The following XKR6 variants were observed in gnomAD, a reference collection of about 807,000 sequenced individuals.
XKR6 encodes the protein XK related 6, also known as XK-related protein 6.
XKR6 carries 22 observed loss-of-function variants against 56.7 expected under a neutral mutation model. The ratio of observed to expected loss-of-function variants is 0.39; its 90% CI spans 0.28 to 0.55. XKR6 has a LOEUF of 0.55. XKR6 is among the 20% of genes least tolerant of loss of function. The pLI is 0.66. For missense variants in XKR6, 852 were observed against 889.0 expected (o/e 0.96, Z 0.53); for synonymous variants, 524 against 387.8 (o/e 1.35, Z -4.13).
intron 1 of XKR6, among the ~76,000 whole-genome samples, chr8:11,150,094 T>C (rs1426395862): frequency 3.3e-5 from 5 of 152,116 alleles, no homozygotes; most frequent in Non-Finnish European, 7.4e-5. Context: ...AGAGGGCTGG[T>C]CAATGGATGA....
At chr8:10,952,415 T>C (rs779250919) in intron 1 of XKR6, among the ~76,000 whole-genome samples, 11 of 152,242 alleles carry the variant, frequency 7.2e-5, no homozygotes, top group Non-Finnish European at 1.3e-4. Flanking sequence ...CATCCTGTGA[T>C]GTGCTGAACT....
intron 1 of XKR6, among the ~76,000 whole-genome samples, chr8:11,070,432 C>T (rs182886903): frequency 1.4e-4 from 21 of 152,202 alleles, no homozygotes; most frequent in African/African-American, 4.6e-4. Context: ...GGGTTTAGGA[C>T]CTATTTTTGG....
chr8:10,899,012 C>G, intron 2 of XKR6, 96 bp from the exon 3 acceptor site: 1 of 1,486,248 alleles, frequency 6.7e-7, no homozygotes, highest in Non-Finnish European at 8.9e-7. Context: ...ACATACACCA[C>G]GATCTAAAGG....
At chr8:11,039,679 C>T (rs1305672968) in intron 1 of XKR6, among the ~76,000 whole-genome samples, 2 of 152,242 alleles carry the variant, frequency 1.3e-5, no homozygotes, top group Non-Finnish European at 2.9e-5. Context: ...ACGCCCTCCA[C>T]AAGGACTCCC....
chr8:10,971,114 C>A (rs1382219366), intron 1 of XKR6, among the ~76,000 whole-genome samples: 2 of 151,328 alleles, frequency 1.3e-5, no homozygotes, highest in Non-Finnish European at 2.9e-5. Flanking sequence ...GTTTCCTGTT[C>A]TTGTGTGTTT....
In XKR6 at chr8:11,062,832, C is replaced by T. The variant is rs7820875; in HGVS notation, c.764+137744G>A. The T allele has an allele frequency of 3.9e-3, 1,794 of 456,294 alleles. 27 individuals carry two copies. The highest frequency in any genetic ancestry group is 0.028 in the African/African-American group (1,381 of 50,190). The allele number at this position is 456,294 out of a possible 1,614,324, so 28.3% of individuals were successfully genotyped here. A position where few individuals can be genotyped will look rare whatever the true frequency, so the allele number is the denominator to read the frequency against. On this transcript the variant is annotated intron_variant, in intron 1 of 2. Coordinates refer to ENST00000416569, the MANE Select transcript of XKR6 (RefSeq NM_173683.4). ...CAGCCTCCTCGGCAATCAGCGTGGCCGTGCGCCTGAGTTCTAGCCAATGGG... is the reference window on the plus strand; with the variant it reads ...CAGCCTCCTCGGCAATCAGCGTGGCTGTGCGCCTGAGTTCTAGCCAATGGG...
At chr8:11,041,324 A>G (rs938743959) in intron 1 of XKR6, among the ~76,000 whole-genome samples, 2 of 152,142 alleles carry the variant, frequency 1.3e-5, no homozygotes, top group Non-Finnish European at 2.9e-5. Flanking sequence ...TTGGGAGACC[A>G]AGGCAGACGG....
chr8:10,991,812 T>C (rs529535599), intron 1 of XKR6, among the ~76,000 whole-genome samples: 3 of 152,216 alleles, frequency 2.0e-5, no homozygotes, highest in East Asian at 1.9e-4. Context: ...ATTTTTCTTT[T>C]TACACCTGAC....
intron 1 of XKR6, among the ~76,000 whole-genome samples, chr8:10,951,300 G>GTGTGT (rs988183717): frequency 0.074 from 9,021 of 122,312 alleles, 357 homozygotes; most frequent in Middle Eastern, 0.12. Flanking sequence ...TGTGTGTGTG[G>GTGTGT]GGGGGGGGGG....
At chr8:10,899,802 T>A (rs1220672453) in intron 2 of XKR6, among the ~76,000 whole-genome samples, 1 of 152,192 alleles carries the variant, frequency 6.6e-6, no homozygotes, top group East Asian at 1.9e-4. Context: ...ATTCACAGAG[T>A]TTGAGTGTGC....
At chr8:11,078,950 A>G (rs188730390) in intron 1 of XKR6, among the ~76,000 whole-genome samples, 20 of 152,354 alleles carry the variant, frequency 1.3e-4, no homozygotes, top group African/African-American at 4.8e-4. Flanking sequence ...TCCAATGGCC[A>G]AGGCAAAGGG....
At chr8:10,975,332 T>G (rs1003694361) in intron 1 of XKR6, among the ~76,000 whole-genome samples, 1 of 152,210 alleles carries the variant, frequency 6.6e-6, no homozygotes, top group Non-Finnish European at 1.5e-5. Context: ...ACACAGTGCA[T>G]TGAGGCCAGC....
At chr8:10,913,313 G>A (rs1416246758) in intron 2 of XKR6, among the ~76,000 whole-genome samples, 1 of 151,990 alleles carries the variant, frequency 6.6e-6, no homozygotes, top group Non-Finnish European at 1.5e-5. Context: ...TCTGGCCAGG[G>A]TCCCCAGCAT....
chr8:11,136,300 A>C (rs1257928567), intron 1 of XKR6, among the ~76,000 whole-genome samples: 2 of 152,182 alleles, frequency 1.3e-5, no homozygotes, highest in Non-Finnish European at 2.9e-5. Context: ...AGATCACCTG[A>C]GGTCAGTTCA....
Position 10,897,996 on chromosome 8 carries a change from C to T in XKR6, c.1882G>A (p.Gly628Arg), listed in dbSNP as rs766260325. The change falls in exon 3 of 3, where the codon GGA becomes AGA. Residue 628 changes from glycine (G) to arginine (R), a missense_variant. Transcript: ENST00000416569. ...TGTAGCAACTCATAGAGGAGTGGTC[C>T]GTCTCGATATCGAATGCCTACTGCG... ...PTAVGIRYRD[G>R]PLLYELLQYE... 2.5e-5 allele frequency: 41 copies of T among 1,609,130 alleles called. No individual in the cohort carries two copies. Among genetic ancestry groups the T allele is most frequent in the Non-Finnish European group, 3.4e-5 (40 of 1,178,082 alleles).
intron 2 of XKR6, among the ~76,000 whole-genome samples, chr8:10,924,243 G>A (rs1285452582): frequency 2.0e-5 from 3 of 152,216 alleles, no homozygotes; most frequent in South Asian, 2.1e-4. Context: ...CCAATATGAC[G>A]GCCCCTTGTG....
chr8:10,964,743 C>T (rs927274497), intron 1 of XKR6, among the ~76,000 whole-genome samples: 4 of 152,310 alleles, frequency 2.6e-5, no homozygotes, highest in Non-Finnish European at 4.4e-5. Flanking sequence ...CCCCTCATCC[C>T]TTGATTTCCC....
chr8:11,011,228 C>A (rs150828263), intron 1 of XKR6, among the ~76,000 whole-genome samples: 1 of 152,220 alleles, frequency 6.6e-6, no homozygotes, highest in Non-Finnish European at 1.5e-5. Context: ...CAGAAACAAG[C>A]ATTTCAACAA....
chr8:11,091,440 T>TAAAA (rs1239703037), intron 1 of XKR6, among the ~76,000 whole-genome samples: 1 of 148,924 alleles, frequency 6.7e-6, no homozygotes, highest in Non-Finnish European at 1.5e-5. Flanking sequence ...CTGACTCAAA[T>TAAAA]AAATAAATAA....
Sources: allele counts gnomAD v4.1 joint callset (sites outside exome capture counted in the v4.1 genomes callset), GRCh38; gene constraint gnomAD v4.1.1; transcripts MANE v1.5; gene names NCBI Gene and HGNC (gene_info 2026-07-23, HGNC 2026-07-21).